Variants in CADPS observed in about 807,000 individuals in gnomAD.
CADPS encodes calcium-dependent secretion activator 1.
In CADPS, 57 loss-of-function variants were observed where a neutral mutation model predicts 167.3. The observed-to-expected ratio is 0.34, with a 90% CI of 0.28 to 0.42. The LOEUF (loss-of-function observed/expected upper bound fraction) is 0.42, where lower values mean the gene tolerates loss of function less well. Ranked by LOEUF, CADPS falls within the 20% of genes least tolerant of loss-of-function variation. The pLI, the probability that CADPS is intolerant of heterozygous loss-of-function variation, is 1.00. For missense variants in CADPS, 1,414 were observed against 1,738.1 expected, an observed-to-expected ratio of 0.81 and a Z score of 3.32; for synonymous variants, 676 against 635.3, an observed-to-expected ratio of 1.06 and a Z score of -0.96.
At chr3:62,763,838 A>G (rs2086170910) in intron 2 of CADPS, among the ~76,000 whole-genome samples, 1 of 152,196 alleles carries the variant, frequency 6.6e-6, no homozygotes, top group African/African-American at 2.4e-5. Context: ...TGTTACTCAA[A>G]TGCTAACATT....
intron 3 of CADPS, among the ~76,000 whole-genome samples, chr3:62,735,846 A>G (rs914445433): frequency 6.6e-6 from 1 of 152,212 alleles, no homozygotes; most frequent in African/African-American, 2.4e-5. Flanking sequence ...ATGATACTGT[A>G]GGAGATGATA....
chr3:62,449,773 T>G (rs1424793673), intron 26 of CADPS, among the ~76,000 whole-genome samples: 1 of 151,672 alleles, frequency 6.6e-6, no homozygotes, highest in Non-Finnish European at 1.5e-5. Flanking sequence ...TTTGTGTATT[T>G]TTTTCCATCA....
At position 62,601,488 on chromosome 3, in the gene CADPS, C is replaced by T. The variant is rs532313403; in HGVS notation, c.1326-8740G>A. ...TTCATTAGCAGATTAGCAGAATGCT[C>T]ATCTGGGCATACCCACAAAGACGAA... On this transcript the variant is annotated intron_variant, in intron 6 of 29. Coordinates refer to ENST00000383710, the MANE Select transcript of CADPS (RefSeq NM_003716.4). The surrounding 1 kb of genome is among the most constrained non-coding windows in gnomAD (Gnocchi z 4.3). Among the ~76,000 whole-genome samples, 4 of 152,270 alleles carry T rather than the reference C, an allele frequency of 2.6e-5. No individual in the cohort carries two copies. The East Asian group carries it at 7.7e-4, about 29-fold the overall frequency.
At chr3:62,620,835 G>A (rs528799643) in intron 6 of CADPS, among the ~76,000 whole-genome samples, 11 of 152,258 alleles carry the variant, frequency 7.2e-5, no homozygotes, top group African/African-American at 2.4e-4. Flanking sequence ...CTGAGGGCCT[G>A]GAAGGGATTC....
rs146088674 is a variant in CADPS at position 62,658,143 on chromosome 3, G to A, written c.969+4171C>T. Among the ~76,000 whole-genome samples the A allele has an allele frequency of 4.9e-3, 748 of 152,260 alleles. 10 individuals carry two copies. Among genetic ancestry groups the A allele is most frequent in the African/African-American group, 0.017 (712 of 41,540 alleles). ...GTATTCTAAAGAAATAGCATGAAAC[G>A]TGGAATTAGACAACTCAGTTTTCTG... On this transcript the variant is annotated intron_variant, in intron 4 of 29. Coordinates refer to ENST00000383710, the MANE Select transcript of CADPS (RefSeq NM_003716.4).
intron 3 of CADPS, among the ~76,000 whole-genome samples, chr3:62,674,546 A>G (rs746133744): frequency 4.6e-5 from 7 of 152,222 alleles, no homozygotes; most frequent in Non-Finnish European, 8.8e-5. Context: ...CCCAGTATCA[A>G]ATCCATAACC....
rs1181354520 is a variant in CADPS at position 62,638,653 on chromosome 3, A to G, written c.1325+7069T>C. Among the ~76,000 whole-genome samples the G allele has an allele frequency of 3.9e-5, 6 of 152,262 alleles. No individual in the cohort carries two copies. In the South Asian group the frequency reaches 6.2e-4, roughly 16 times the overall value. ...ACTTTTATAGATTTTTCACGTTTAGATGGAGTATCAACGTCTAACTGACAA... is the reference window on the plus strand; with the variant it reads ...ACTTTTATAGATTTTTCACGTTTAGGTGGAGTATCAACGTCTAACTGACAA... On this transcript the variant is annotated intron_variant, in intron 6 of 29. Transcript: ENST00000383710.
At chr3:62,448,197 G>A (rs1286080237) in intron 26 of CADPS, among the ~76,000 whole-genome samples, 1 of 152,118 alleles carries the variant, frequency 6.6e-6, no homozygotes, top group Non-Finnish European at 1.5e-5. Flanking sequence ...GGTCAGAGCA[G>A]GTGCTAGCAG....
At chr3:62,466,510 G>C (rs1484740656) in intron 24 of CADPS, 97 bp from the exon 25 acceptor site, 3 of 777,744 alleles carry the variant, frequency 3.9e-6, no homozygotes, top group Non-Finnish European at 6.7e-6. Context: ...AATAAAGCCT[G>C]GCCTGCGGAC....
chr3:62,518,915 T>C lies in CADPS; in HGVS notation c.2292-665A>G, dbSNP rs578093428. ...TGTATTCGTTGAAGAACAAACCACA[T>C]GTTTTCCAATTTTAGCAAACTGTTA... On this transcript the variant is annotated intron_variant, in intron 13 of 29. Coordinates refer to ENST00000383710, the MANE Select transcript of CADPS (RefSeq NM_003716.4). Among the ~76,000 whole-genome samples, 8 of 152,270 alleles carry C rather than the reference T, an allele frequency of 5.3e-5. No homozygotes were observed. The East Asian group carries it at 1.4e-3, about 26-fold the overall frequency.
intron 1 of CADPS, among the ~76,000 whole-genome samples, chr3:62,870,718 T>C (rs1560024642): frequency 6.6e-6 from 1 of 152,172 alleles, no homozygotes; most frequent in African/African-American, 2.4e-5. Flanking sequence ...TTTAAACTAT[T>C]AGAATAATTC....
chr3:62,629,757 G>GTTTTTTTTTT (rs55956118), intron 6 of CADPS, among the ~76,000 whole-genome samples: 13,378 of 140,864 alleles, frequency 0.095, 468 homozygotes, highest in Middle Eastern at 0.15. Flanking sequence ...CTCTGGTACA[G>GTTTTTTTTTT]TTTTTTTTTT....
chr3:62,638,718 A>G (rs570547956), intron 6 of CADPS, among the ~76,000 whole-genome samples: 21 of 152,178 alleles, frequency 1.4e-4, no homozygotes, highest in Admixed American at 5.2e-4. Context: ...TGAAATTCCA[A>G]CTAATTTCAG....
chr3:62,567,975 G>A (rs1335773051), intron 9 of CADPS, among the ~76,000 whole-genome samples: 1 of 152,102 alleles, frequency 6.6e-6, no homozygotes, highest in East Asian at 1.9e-4. Flanking sequence ...TTCTCCTTCT[G>A]GTAATGGCAT....
chr3:62,554,467 C>T (rs2077791844), intron 10 of CADPS, among the ~76,000 whole-genome samples: 1 of 152,110 alleles, frequency 6.6e-6, no homozygotes, highest in South Asian at 2.1e-4. Flanking sequence ...AAATCGCCAC[C>T]AGGTGGATCC....
At chr3:62,758,606 TG>T (rs1418611267) in intron 2 of CADPS, among the ~76,000 whole-genome samples, 1 of 152,248 alleles carries the variant, frequency 6.6e-6, no homozygotes, top group East Asian at 1.9e-4. Context: ...GTCTGTATTT[TG>T]TATCCGTGTT....
chr3:62,498,651 G>A lies in CADPS; in HGVS notation c.2706+511C>T, dbSNP rs140786872. Among the ~76,000 whole-genome samples the A allele has an allele frequency of 2.6e-3, 401 of 151,978 alleles. 3 individuals are homozygous for A. Among genetic ancestry groups the A allele is most frequent in the African/African-American group, 8.7e-3 (360 of 41,450 alleles). On this transcript the variant is annotated intron_variant, in intron 18 of 29. Transcript: ENST00000383710. ...TAGATGTATGTTGGAGAATCGACAA[G>A]TTGAACGACACAGAATAATTTGCTT...
chr3:62,561,231 A>T lies in CADPS; in HGVS notation c.1645-3718T>A, dbSNP rs548210963. Among the ~76,000 whole-genome samples, 18 of 152,018 alleles carry T rather than the reference A, an allele frequency of 1.2e-4. No individual in the cohort carries two copies. In the East Asian group the frequency reaches 3.5e-3, roughly 29 times the overall value. On this transcript the variant is annotated intron_variant, in intron 9 of 29. Coordinates refer to ENST00000383710, the MANE Select transcript of CADPS (RefSeq NM_003716.4). ...TCAGGTCAGAGTGGGCCTTAGGATT[A>T]TACATTTTTCATAACTGTCTCAGAT...
chr3:62,711,968 C>T (rs2083474175), intron 3 of CADPS, among the ~76,000 whole-genome samples: 2 of 152,126 alleles, frequency 1.3e-5, no homozygotes, highest in Admixed American at 6.6e-5. Flanking sequence ...AAAATGGGAT[C>T]ATACTGCCAA....
Sources: gnomAD v4.1 joint callset for allele counts (sites outside exome capture counted in the v4.1 genomes callset) on GRCh38, gnomAD v4.1.1 for gene constraint, Gnocchi (gnomAD v3.1) non-coding constraint, MANE v1.5 for transcripts, NCBI Gene and HGNC (gene_info 2026-07-23, HGNC 2026-07-21) for gene names.